KIF4A: variants seen among roughly 807,000 people sequenced by gnomAD.
KIF4A encodes the protein kinesin family member 4A.
KIF4A carries 7 observed loss-of-function variants against 105.9 expected under a neutral mutation model. The observed-to-expected ratio is 0.07, with a 90% CI of 0.04 to 0.12. The LOEUF (loss-of-function observed/expected upper bound fraction) is 0.12. Ranked by LOEUF, KIF4A falls within the 10% of genes least tolerant of loss-of-function variation. The pLI, the probability that KIF4A is intolerant of heterozygous loss-of-function variation, is 1.00. For missense variants in KIF4A, 558 were observed against 929.2 expected (o/e 0.60, Z 5.19); for synonymous variants, 281 against 331.3 (o/e 0.85, Z 1.65).
At chrX:70,389,337 C>T (rs959878468) in intron 20 of KIF4A, among the ~76,000 whole-genome samples, 33 of 112,169 alleles carry the variant, frequency 2.9e-4, no homozygotes, top group African/African-American at 1.0e-3. Flanking sequence ...GAGGCCAAGG[C>T]GGGTGGATTA....
chrX:70,386,790 C>A (rs970729681), intron 19 of KIF4A, 89 bp downstream of exon 19: 2 of 662,736 alleles, frequency 3.0e-6, no homozygotes, highest in African/African-American at 4.4e-5. Flanking sequence ...TAGCAAGCGT[C>A]CTGAGAAACC....
intron 15 of KIF4A, among the ~76,000 whole-genome samples, chrX:70,369,223 T>A (rs1310422404): frequency 1.8e-5 from 2 of 112,176 alleles, no homozygotes; most frequent in Non-Finnish European, 3.8e-5. Context: ...TCGCCCTGCT[T>A]CGGCTCACGC....
intron 7 of KIF4A, among the ~76,000 whole-genome samples, chrX:70,319,267 A>AAAAG (rs1297053832): frequency 8.9e-6 from 1 of 111,932 alleles, no homozygotes; most frequent in Non-Finnish European, 1.9e-5. Flanking sequence ...CGTCTCAAAA[A>AAAAG]AAAGAAAGAA....
chrX:70,296,010 C>G (rs1321379420), intron 3 of KIF4A, among the ~76,000 whole-genome samples: 1 of 108,975 alleles, frequency 9.2e-6, no homozygotes, highest in Non-Finnish European at 1.9e-5. Flanking sequence ...TATCCATACA[C>G]TCATATTTAA....
Position 70,330,326 on chromosome X carries a change from G to A in KIF4A, c.1065G>A (p.Lys355=). ...AGACAGCTGAACTTAATCATCTAAA[G>A]CAACAGGTATAAGGGACTTAAAGTT... The part of the protein sequence containing the change: ...DPQTAELNHL[K]QQVQQLQVLL... Residue 355 remains lysine, a synonymous_variant, in exon 9 of 31, where the codon AAG becomes AAA. Coordinates refer to ENST00000374403, the MANE Select transcript of KIF4A (RefSeq NM_012310.5). 1.7e-6 allele frequency: 2 copies of A among 1,207,248 alleles called. No individual in the cohort carries two copies. Among genetic ancestry groups the A allele is most frequent in the Non-Finnish European group, 2.2e-6 (2 of 891,920 alleles).
chrX:70,349,236 TGGC>T (rs2147702482), intron 13 of KIF4A, among the ~76,000 whole-genome samples: 1 of 39,154 alleles, frequency 2.6e-5, no homozygotes, highest in Admixed American at 3.0e-4. Context: ...CTAGACGGGG[TGGC>T]GGCCGGGCAG....
rs1189994306 is a variant in KIF4A at position 70,292,214 on chromosome X, C to T, written c.235+1409C>T. ...CATCAAAACAATAAAATTTGCACTG[C>T]TACATTACTACCATCTATTCCTGAA... On this transcript the variant is annotated intron_variant, in intron 3 of 30. Transcript: ENST00000374403. Among the ~76,000 whole-genome samples, 3 of 111,971 alleles carry T rather than the reference C, an allele frequency of 2.7e-5. No homozygotes were observed. In the Admixed American group the frequency reaches 2.8e-4, roughly 11 times the overall value.
At position 70,305,248 on chromosome X, in the gene KIF4A, G is replaced by A. The variant is rs535156080; in HGVS notation, c.778+2850G>A. Among the ~76,000 whole-genome samples, 3 of 111,400 alleles carry A rather than the reference G, an allele frequency of 2.7e-5. No individual in the cohort carries two copies. The East Asian group carries it at 8.4e-4, about 31-fold the overall frequency. On this transcript the variant is annotated intron_variant, in intron 7 of 30. Coordinates refer to ENST00000374403, the MANE Select transcript of KIF4A (RefSeq NM_012310.5). ...TATACATTTCACTGATTTTTAGTAT[G>A]TTCACAAGGAGTTGTATAACCATCA...
At chrX:70,347,049 C>G (rs1188112775) in intron 13 of KIF4A, among the ~76,000 whole-genome samples, 1 of 112,129 alleles carries the variant, frequency 8.9e-6, no homozygotes, top group African/African-American at 3.2e-5. Context: ...AGCAAACCTC[C>G]TTGTGCAGTT....
chrX:70,310,831 A>G (rs1008741474), intron 7 of KIF4A, among the ~76,000 whole-genome samples: 2 of 111,403 alleles, frequency 1.8e-5, no homozygotes, highest in Non-Finnish European at 3.8e-5. Flanking sequence ...TTTCTTAGAA[A>G]ATTGTTCATT....
At chrX:70,384,370 G>T (rs2086208855) in intron 18 of KIF4A, among the ~76,000 whole-genome samples, 1 of 111,714 alleles carries the variant, frequency 9.0e-6, no homozygotes, top group Non-Finnish European at 1.9e-5. Context: ...AGACAAAGTT[G>T]GTTTTAGGAG....
intron 16 of KIF4A, 48 bp from the exon 17 acceptor site, chrX:70,375,156 T>C: frequency 8.4e-7 from 1 of 1,194,107 alleles, no homozygotes; most frequent in East Asian, 3.0e-5. Context: ...TCTTTTGAAG[T>C]CAGGCTTTGC....
Position 70,406,908 on chromosome X carries a change from G to A in KIF4A, c.3088G>A (p.Val1030Ile), listed in dbSNP as rs2086302371. Reference sequence around the variant, plus strand: ...TTTTTCCTAGCCAAAACCTTCTCGTGTTAAAGAAAAGTTCCTGGAGCAAAG... The same window carrying A: ...TTTTTCCTAGCCAAAACCTTCTCGTATTAAAGAAAAGTTCCTGGAGCAAAG... ...YVPPKPKPSR[V>I]KEKFLEQSMD... The change falls in exon 28 of 31, where the codon GTT becomes ATT. Residue 1030 changes from valine to isoleucine, a missense_variant. Physicochemically the swap from Val to Ile is conservative, Grantham distance 29. This residue lies in a region of KIF4A where 469 missense variants were observed against 680.4 expected (regional missense o/e 0.69). Transcript: ENST00000374403. The A allele has an allele frequency of 1.7e-6, 2 of 1,211,618 alleles. No homozygotes were observed. The highest frequency in any genetic ancestry group is 2.2e-6 in the Non-Finnish European group (2 of 895,495).
rs1345220565 is a variant in KIF4A, at chrX:70,290,129, C to G, written c.-43C>G. On this transcript the variant is annotated 5_prime_UTR_variant, in exon 1 of 31. Coordinates refer to ENST00000374403, the MANE Select transcript of KIF4A (RefSeq NM_012310.5). The stretch of plus-strand genomic sequence containing the variant: ...AGGGCGGCGGGAGGCCCAGGGAGAA[C>G]GGGGAAGGGACATTTAGTTTGGTGA... 1 of 177,724 alleles carries G rather than the reference C, an allele frequency of 5.6e-6. No individual in the cohort carries two copies. The highest frequency in any genetic ancestry group is 1.0e-5 in the Non-Finnish European group (1 of 96,102). 14.6% of individuals were successfully genotyped at this position (177,724 alleles called of 1,213,427 possible). A position where few individuals can be genotyped will look rare whatever the true frequency, so the allele number is the denominator to read the frequency against.
rs145878681 is a variant in KIF4A at position 70,333,838 on chromosome X, G to A, written c.1133+149G>A. The A allele has an allele frequency of 6.5e-3, 2,679 of 412,052 alleles. 60 individuals are homozygous for A. Among genetic ancestry groups the A allele is most frequent in the African/African-American group, 0.058 (2,351 of 40,504 alleles). The allele number at this position is 412,052 out of a possible 1,213,427, so 34.0% of individuals were successfully genotyped here. A position where few individuals can be genotyped will look rare whatever the true frequency, so the allele number is the denominator to read the frequency against. On this transcript the variant is annotated intron_variant, in intron 10 of 30. Transcript: ENST00000374403. ...TATTTAGGACTTAGTTATGTTTGAA[G>A]CAGCCTAATGTAACAGAAAGAGCAT... is the stretch of plus-strand genomic sequence containing the variant.
At chrX:70,365,239 T>A (rs765584215) in intron 15 of KIF4A, among the ~76,000 whole-genome samples, 1 of 111,809 alleles carries the variant, frequency 8.9e-6, no homozygotes, top group Admixed American at 9.5e-5. Context: ...TTCATTTCCT[T>A]CTCCTGTCTG....
intron 5 of KIF4A, among the ~76,000 whole-genome samples, 195 bp from the exon 6 acceptor site, chrX:70,301,705 C>T (rs956700667): frequency 3.4e-4 from 38 of 111,694 alleles, no homozygotes; most frequent in African/African-American, 1.2e-3. Context: ...TCTGAAGTTC[C>T]TAAGGAAGAT....
chrX:70,372,314 C>T (rs367681368), intron 15 of KIF4A, among the ~76,000 whole-genome samples: 2 of 112,313 alleles, frequency 1.8e-5, no homozygotes, highest in Admixed American at 9.3e-5. Flanking sequence ...GAGGTTGTAG[C>T]GAGCCGAGAT....
chrX:70,358,672 G>A (rs2147708544), intron 15 of KIF4A, among the ~76,000 whole-genome samples: 1 of 111,986 alleles, frequency 8.9e-6, no homozygotes, highest in South Asian at 3.7e-4. Context: ...GTTTTGGTCT[G>A]TCTTTCAGGT....
Sources: gnomAD v4.1 joint callset for allele counts (sites outside exome capture counted in the v4.1 genomes callset) on GRCh38, gnomAD v4.1.1 for gene constraint, gnomAD v4.1.1 regional missense constraint, MANE v1.5 for transcripts, NCBI Gene and HGNC (gene_info 2026-07-23, HGNC 2026-07-21) for gene names.